The following TTC33 variants were observed in gnomAD, a reference collection of about 807,000 sequenced individuals.
TTC33 encodes the protein tetratricopeptide repeat domain 33, also known as tetratricopeptide repeat protein 33.
TTC33 carries 24 observed loss-of-function variants against 29.4 expected under a neutral mutation model. The ratio of observed to expected loss-of-function variants is 0.82; its 90% CI spans 0.59 to 1.15. TTC33 has a LOEUF of 1.15. Among genes scored for constraint, TTC33 ranks in the 50% most tolerant of loss-of-function variants. TTC33 has a pLI of 0.00. For synonymous variants in TTC33, 107 were observed against 100.3 expected (o/e 1.07, Z -0.40); for missense variants, 286 against 310.4 (o/e 0.92, Z 0.59).
chr5:40,755,749 C>G (rs1742974865), intron 1 of TTC33, 75 bp downstream of exon 1: 1 of 152,686 alleles, frequency 6.5e-6, no homozygotes, highest in Non-Finnish European at 1.5e-5. Flanking sequence ...CCCAGTTACC[C>G]GATAACGGCT....
intron 2 of TTC33, among the ~76,000 whole-genome samples, chr5:40,731,871 C>T (rs990655159): frequency 6.6e-6 from 1 of 152,192 alleles, no homozygotes; most frequent in East Asian, 1.9e-4. Flanking sequence ...ACTATGAGTA[C>T]CACTTCAGAC....
chr5:40,723,420 G>A (rs1267357771), intron 4 of TTC33, among the ~76,000 whole-genome samples: 1 of 146,656 alleles, frequency 6.8e-6, no homozygotes, highest in East Asian at 2.0e-4. Context: ...AAACACCCAA[G>A]AATGATCAAT....
rs564626786 is a variant in TTC33, at chr5:40,725,074, C to G, written c.435+3271G>C. On this transcript the variant is annotated intron_variant, in intron 4 of 4. Coordinates refer to ENST00000337702, the MANE Select transcript of TTC33 (RefSeq NM_012382.3). Reference sequence around the variant, plus strand: ...GTTGGCCAGGCTGGTCTCAAAACTCCTGACCTCAGGTGATCAACCCACCTC... The same window carrying G: ...GTTGGCCAGGCTGGTCTCAAAACTCGTGACCTCAGGTGATCAACCCACCTC... Among the ~76,000 whole-genome samples the G allele has an allele frequency of 1.9e-4, 29 of 152,132 alleles. 1 individual carries two copies. Among genetic ancestry groups the G allele is most frequent in the African/African-American group, 6.5e-4 (27 of 41,510 alleles).
chr5:40,722,655 C>A (rs1261231755), intron 4 of TTC33, among the ~76,000 whole-genome samples: 2 of 149,822 alleles, frequency 1.3e-5, no homozygotes, highest in South Asian at 4.2e-4. Flanking sequence ...GGAAGTGAGG[C>A]GTGTCTCCGC....
At chr5:40,724,412 A>T (rs1431733682) in intron 4 of TTC33, among the ~76,000 whole-genome samples, 2 of 152,156 alleles carry the variant, frequency 1.3e-5, no homozygotes, top group African/African-American at 4.8e-5. Context: ...AGGCAGGAGG[A>T]TCATGAGGTC....
intron 1 of TTC33, among the ~76,000 whole-genome samples, chr5:40,752,901 G>A (rs753419401): frequency 9.2e-5 from 14 of 152,172 alleles, no homozygotes; most frequent in African/African-American, 2.4e-4. Context: ...ACAATAAAAT[G>A]ATCCCTGTAA....
chr5:40,745,616 T>C (rs201487390), intron 2 of TTC33, among the ~76,000 whole-genome samples: 14 of 151,790 alleles, frequency 9.2e-5, no homozygotes, highest in Non-Finnish European at 1.9e-4. Flanking sequence ...CCTCAACCAC[T>C]GGGCTCAAGC....
At chr5:40,737,872 G>A (rs927594069) in intron 2 of TTC33, among the ~76,000 whole-genome samples, 8 of 152,100 alleles carry the variant, frequency 5.3e-5, no homozygotes, top group Admixed American at 2.0e-4. Context: ...CCCTTAGCAT[G>A]TTTCTGAGAT....
At chr5:40,720,175 CT>C (rs539147435) in intron 4 of TTC33, among the ~76,000 whole-genome samples, 66 of 152,170 alleles carry the variant, frequency 4.3e-4, no homozygotes, top group Middle Eastern at 3.4e-3. Flanking sequence ...TTTTATAATA[CT>C]TTTAGTTCTT....
At chr5:40,749,186 TAAAAC>T (rs879927641) in intron 1 of TTC33, among the ~76,000 whole-genome samples, 13 of 152,182 alleles carry the variant, frequency 8.5e-5, no homozygotes, top group Non-Finnish European at 1.5e-4. Flanking sequence ...GGATAAATGA[TAAAAC>T]AAAGTTAACA....
At position 40,720,716 on chromosome 5, in the gene TTC33, G is replaced by A. The variant is rs527553707; in HGVS notation, c.436-4218C>T. The stretch of plus-strand genomic sequence containing the variant: ...GAGAAATCCAGAAACTAACTGAAAG[G>A]CTCCTGCACCCTGGATGAATAAGAA... On this transcript the variant is annotated intron_variant, in intron 4 of 4. Transcript: ENST00000337702. Among the ~76,000 whole-genome samples, 285 of 152,148 alleles carry A rather than the reference G, an allele frequency of 1.9e-3. 3 individuals are homozygous for A. The highest frequency in any genetic ancestry group is 6.5e-3 in the African/African-American group (271 of 41,506).
intron 4 of TTC33, among the ~76,000 whole-genome samples, chr5:40,722,209 C>T (rs1361937782): frequency 6.6e-6 from 1 of 151,768 alleles, no homozygotes; most frequent in Non-Finnish European, 1.5e-5. Context: ...TGTCTCAACT[C>T]GCTCACTCAG....
rs1013722354 is a variant in TTC33 at position 40,711,926 on chromosome 5, C to G, written c.*4219G>C. Among the ~76,000 whole-genome samples the G allele has an allele frequency of 2.0e-5, 3 of 152,074 alleles. No individual in the cohort carries two copies. Among genetic ancestry groups the G allele is most frequent in the African/African-American group, 7.2e-5 (3 of 41,398 alleles). On this transcript the variant is annotated 3_prime_UTR_variant, in exon 5 of 5. Coordinates refer to ENST00000337702, the MANE Select transcript of TTC33 (RefSeq NM_012382.3). ...GGATGGCTGTTCAGGTGGAGGGGAA[C>G]CAACTGCAAAAGGGCTTTAGAGAAC...
Position 40,728,394 on chromosome 5 carries a change from G to A in TTC33, c.386C>T (p.Ser129Phe), listed in dbSNP as rs1742344710. Residue 129 changes from serine to phenylalanine, a missense_variant, in exon 4 of 5, where the codon TCT (serine) becomes TTT (phenylalanine). Coordinates refer to ENST00000337702, the MANE Select transcript of TTC33 (RefSeq NM_012382.3). ...AVQQNPHSWE[S>F]WQTLGRAQLG... is the part of the protein sequence containing the mutation. ...TTGAGCACGTCCCAAAGTCTGCCAAGACTCCCATGAATGTGGATTTTGCTG... is the reference window on the plus strand; with the variant it reads ...TTGAGCACGTCCCAAAGTCTGCCAAAACTCCCATGAATGTGGATTTTGCTG... The A allele has an allele frequency of 6.2e-7, 1 of 1,611,258 alleles. No homozygotes were observed. The highest frequency in any genetic ancestry group is 1.3e-5 in the African/African-American group (1 of 74,318).
At position 40,721,544 on chromosome 5, in the gene TTC33, G is replaced by A. The variant is rs144362530; in HGVS notation, c.436-5046C>T. The stretch of plus-strand genomic sequence containing the variant: ...TTCAACAAATGATGCTGGGAAAACC[G>A]GATATCCGCGTGCAAAAGAATGAAA... On this transcript the variant is annotated intron_variant, in intron 4 of 4. Transcript: ENST00000337702. Among the ~76,000 whole-genome samples, 635 of 152,094 alleles carry A rather than the reference G, an allele frequency of 4.2e-3. 3 individuals are homozygous for A. The highest frequency in any genetic ancestry group is 0.015 in the African/African-American group (608 of 41,482).
rs1453573686 is a variant in TTC33 at position 40,712,585 on chromosome 5, A to G, written c.*3560T>C. Among the ~76,000 whole-genome samples the G allele has an allele frequency of 6.6e-6, 1 of 152,194 alleles. No individual in the cohort carries two copies. The highest frequency in any genetic ancestry group is 2.4e-5 in the African/African-American group (1 of 41,460). ...CATGGGCAGTTCTGCACAAGCACAA[A>G]TCTCCCTTTGCAGAGGCAAAGAACT... is the stretch of plus-strand genomic sequence containing the variant. On this transcript the variant is annotated 3_prime_UTR_variant, in exon 5 of 5. Coordinates refer to ENST00000337702, the MANE Select transcript of TTC33 (RefSeq NM_012382.3).
chr5:40,754,011 T>C (rs1244649961), intron 1 of TTC33, among the ~76,000 whole-genome samples: 1 of 152,048 alleles, frequency 6.6e-6, no homozygotes, highest in East Asian at 1.9e-4. Flanking sequence ...GACCCACACA[T>C]CTTTTAAAAT....
chr5:40,720,926 G>A (rs1742117463), intron 4 of TTC33, among the ~76,000 whole-genome samples: 2 of 152,194 alleles, frequency 1.3e-5, no homozygotes, highest in Non-Finnish European at 2.9e-5. Context: ...ACTGGTTTCT[G>A]TCTTGCCTGT....
At chr5:40,742,890 A>G (rs1742722802) in intron 2 of TTC33, among the ~76,000 whole-genome samples, 1 of 152,212 alleles carries the variant, frequency 6.6e-6, no homozygotes, top group Admixed American at 6.5e-5. Flanking sequence ...AATGGTAGCT[A>G]GCTTATAAAA....
Sources: gnomAD v4.1 joint callset for allele counts (sites outside exome capture counted in the v4.1 genomes callset) on GRCh38, gnomAD v4.1.1 for gene constraint, MANE v1.5 for transcripts, NCBI Gene and HGNC (gene_info 2026-07-23, HGNC 2026-07-21) for gene names.